Variants in PRDM1 observed in about 807,000 individuals in gnomAD.
The protein encoded by PRDM1 is PR domain zinc finger protein 1.
In PRDM1, 13 loss-of-function variants were observed where a neutral mutation model predicts 62.8. That is an observed-to-expected ratio of 0.21 (90% confidence interval 0.13 to 0.33). The LOEUF (loss-of-function observed/expected upper bound fraction) is 0.33, where lower values mean the gene tolerates loss of function less well. PRDM1 is among the 10% of genes least tolerant of loss of function. PRDM1 has a pLI of 1.00. For synonymous variants in PRDM1, 396 were observed against 417.6 expected (o/e 0.95, Z 0.63); for missense variants, 895 against 1,058.8 (o/e 0.85, Z 2.15).
At chr6:106,101,451 G>A (rs1207876546) in intron 4 of PRDM1, among the ~76,000 whole-genome samples, 1 of 152,190 alleles carries the variant, frequency 6.6e-6, no homozygotes, top group Non-Finnish European at 1.5e-5. Context: ...ACTGTGAAAT[G>A]ACACCTTTTA....
chr6:106,062,605 A>T (rs534505427), intron 1 of PRDM1, among the ~76,000 whole-genome samples: 1 of 152,216 alleles, frequency 6.6e-6, no homozygotes, highest in Non-Finnish European at 1.5e-5. Flanking sequence ...AATTGCTCTA[A>T]CAAGAGTTAT....
chr6:106,022,126 G>A (rs1436484980), intron 1 of PRDM1, among the ~76,000 whole-genome samples: 2 of 152,148 alleles, frequency 1.3e-5, no homozygotes, highest in Non-Finnish European at 2.9e-5. Context: ...CCAACATAAT[G>A]GTACTTCCAT....
Position 106,107,292 on chromosome 6 carries a change from G to A in PRDM1, c.2284G>A (p.Val762Met), listed in dbSNP as rs747743863. ...TGTAGTGGAGAAGGAAATTCTGGCC[G>A]TGGTCAGAAAAGAGAAAGAAGAAAC... ...ISVVEKEILAVVRKEKEETGL... is the reference protein window; with the variant it reads ...ISVVEKEILAMVRKEKEETGL... The change falls in exon 7 of 7, where the codon GTG becomes ATG. Residue 762 changes from valine to methionine, a missense_variant. By Grantham distance (21) the Val-to-Met change is conservative. Coordinates refer to ENST00000369096, the MANE Select transcript of PRDM1 (RefSeq NM_001198.4). The A allele has an allele frequency of 1.8e-4, 288 of 1,614,006 alleles. 3 individuals are homozygous for A. The Middle Eastern group carries it at 2.1e-3, about 12-fold the overall frequency.
In PRDM1 at chr6:106,034,635, C is replaced by CTCTTTTTTTTTT. The variant is rs745833853; in HGVS notation, c.-67+40997_-67+40998insCTTTTTTTTTTT. Among the ~76,000 whole-genome samples the CTCTTTTTTTTTT allele has an allele frequency of 3.4e-5, 3 of 88,420 alleles. 1 individual carries two copies. Among genetic ancestry groups the CTCTTTTTTTTTT allele is most frequent in the Non-Finnish European group, 2.0e-5 (1 of 49,680 alleles). 58.0% of individuals were successfully genotyped at this position (88,420 alleles called of 152,430 possible). A position where few individuals can be genotyped will look rare whatever the true frequency, so the allele number is the denominator to read the frequency against. On this transcript the variant is annotated intron_variant, in intron 1 of 6. Transcript: ENST00000652320. ...TCTTACAGTCTTTCATGTTCTCTCT[C>CTCTTTTTTTTTT]TTTTTTTTTTTTTTTTTTTGAGATG...
chr6:106,098,826 C>T (rs941602750), intron 3 of PRDM1: 3 of 1,524,472 alleles, frequency 2.0e-6, no homozygotes, highest in South Asian at 1.2e-5. Context: ...GTGTAGGAAA[C>T]GGCGAGTACA....
At chr6:106,014,753 CA>C (rs1333201230) in intron 1 of PRDM1, among the ~76,000 whole-genome samples, 2 of 151,810 alleles carry the variant, frequency 1.3e-5, no homozygotes, top group East Asian at 3.9e-4. Context: ...AGATAGAACA[CA>C]TTTTTTTTTA....
intron 1 of PRDM1, among the ~76,000 whole-genome samples, chr6:106,079,687 A>G (rs912118310): frequency 2.0e-5 from 3 of 152,176 alleles, no homozygotes; most frequent in Non-Finnish European, 4.4e-5. Flanking sequence ...AATCCCAGCT[A>G]CTCTGGAGGC....
chr6:106,024,079 C>T (rs552235523), intron 1 of PRDM1, among the ~76,000 whole-genome samples: 3 of 151,988 alleles, frequency 2.0e-5, no homozygotes, highest in African/African-American at 7.2e-5. Context: ...GAGGTTGAGG[C>T]TGCAATGAGC....
At chr6:106,013,396 C>T (rs1198413286) in intron 1 of PRDM1, among the ~76,000 whole-genome samples, 2 of 149,198 alleles carry the variant, frequency 1.3e-5, no homozygotes, top group Non-Finnish European at 3.0e-5. Flanking sequence ...TGCGTGATCT[C>T]AGCTCACTGC....
At chr6:106,031,749 T>C (rs1299252976) in intron 1 of PRDM1, among the ~76,000 whole-genome samples, 1 of 152,072 alleles carries the variant, frequency 6.6e-6, no homozygotes, top group Non-Finnish European at 1.5e-5. Flanking sequence ...TGGGAAGAGG[T>C]GCCAGGGCAA....
chr6:106,011,539 C>T (rs1267177524), intron 1 of PRDM1, among the ~76,000 whole-genome samples: 3 of 152,028 alleles, frequency 2.0e-5, no homozygotes, highest in Non-Finnish European at 2.9e-5. Flanking sequence ...GTGTGAGGAG[C>T]GGAGTACACT....
At chr6:106,082,188 T>G (rs192573097), upstream of PRDM1, among the ~76,000 whole-genome samples, 49 of 152,358 alleles carry the variant, frequency 3.2e-4, no homozygotes, top group East Asian at 5.6e-3. Flanking sequence ...CTTCTGTTAG[T>G]TTAATTTTAG....
At chr6:106,071,385 A>G (rs1033220184) in intron 1 of PRDM1, among the ~76,000 whole-genome samples, 4 of 152,092 alleles carry the variant, frequency 2.6e-5, no homozygotes, top group African/African-American at 9.7e-5. Flanking sequence ...ACGTGTGTAT[A>G]TATATATATA....
chr6:106,068,683 T>C (rs1288737757), intron 1 of PRDM1, among the ~76,000 whole-genome samples: 1 of 152,222 alleles, frequency 6.6e-6, no homozygotes, highest in African/African-American at 2.4e-5. Context: ...CATCCTTGCC[T>C]GAACACACAG....
chr6:106,067,339 A>G (rs1773448436), intron 1 of PRDM1, among the ~76,000 whole-genome samples: 1 of 152,168 alleles, frequency 6.6e-6, no homozygotes, highest in African/African-American at 2.4e-5. Flanking sequence ...GTTTAAATGT[A>G]TGATGTTGGG....
At chr6:106,094,408 T>C in intron 2 of PRDM1, among the ~76,000 whole-genome samples, 1 of 152,188 alleles carries the variant, frequency 6.6e-6, no homozygotes, top group East Asian at 1.9e-4. Flanking sequence ...TTCTATTGAA[T>C]AGTGACGAAT....
At chr6:106,033,966 G>A (rs9486267) in intron 1 of PRDM1, among the ~76,000 whole-genome samples, 5,460 of 151,682 alleles carry the variant, frequency 0.036, 118 homozygotes, top group Non-Finnish European at 0.044. Flanking sequence ...CTATTTCTTC[G>A]TGATTCAGTC....
intron 1 of PRDM1, among the ~76,000 whole-genome samples, chr6:105,996,346 CAATT>C (rs1478855848): frequency 6.6e-6 from 1 of 152,050 alleles, no homozygotes; most frequent in African/African-American, 2.4e-5. Context: ...AATTAATTAA[CAATT>C]AATCATTTTT....
intron 2 of PRDM1, among the ~76,000 whole-genome samples, chr6:106,090,073 GA>G (rs1244396247): frequency 1.2e-4 from 18 of 152,304 alleles, no homozygotes; most frequent in African/African-American, 4.1e-4. Flanking sequence ...TCAAGGTTCA[GA>G]AAGACAGTCA....
Sources: allele counts gnomAD v4.1 joint callset (sites outside exome capture counted in the v4.1 genomes callset), GRCh38; gene constraint gnomAD v4.1.1; transcripts MANE v1.5; gene names NCBI Gene and HGNC (gene_info 2026-07-23, HGNC 2026-07-21).